Variants in ABLIM1 observed in about 807,000 individuals in gnomAD.
The protein encoded by ABLIM1 is actin-binding LIM protein 1.
A neutral mutation model predicts 107.0 loss-of-function variants in ABLIM1; 40 were observed. The ratio of observed to expected loss-of-function variants is 0.37; its 90% CI spans 0.29 to 0.49. ABLIM1 has a LOEUF of 0.49. ABLIM1 is among the 20% of genes least tolerant of loss of function. The pLI, the probability that ABLIM1 is intolerant of heterozygous loss-of-function variation, is 0.97. For synonymous variants in ABLIM1, 357 were observed against 357.3 expected, an observed-to-expected ratio of 1.00 and a Z score of 0.01; for missense variants, 857 against 1,008.5, an observed-to-expected ratio of 0.85 and a Z score of 2.04.
intron 1 of ABLIM1, among the ~76,000 whole-genome samples, chr10:114,635,245 A>G (rs541073979): frequency 2.0e-5 from 3 of 152,224 alleles, no homozygotes; most frequent in South Asian, 2.1e-4. Flanking sequence ...TGACCAAAGG[A>G]CAGAAACCAT....
intron 4 of ABLIM1, among the ~76,000 whole-genome samples, chr10:114,557,131 A>G (rs967972217): frequency 6.6e-6 from 1 of 152,176 alleles, no homozygotes; most frequent in Admixed American, 6.5e-5. Context: ...CATATTTTAC[A>G]TCTCAGATTT....
In ABLIM1 at chr10:114,585,282, G is replaced by A. The variant is rs144843574; in HGVS notation, c.380-9683C>T. On this transcript the variant is annotated intron_variant, in intron 2 of 22. Transcript: ENST00000533213. ...TCCCTTTTTTAGTCTCCAGATACAC[G>A]ACCATACATACATGGATGACAAGAT... Among the ~76,000 whole-genome samples, 390 of 151,964 alleles carry A rather than the reference G, an allele frequency of 2.6e-3. 10 individuals are homozygous for A. Among genetic ancestry groups the A allele is most frequent in the Admixed American group, 0.015 (225 of 15,268 alleles).
At position 114,468,289 on chromosome 10, in the gene ABLIM1, G is replaced by A. The variant is rs1815248; in HGVS notation, c.1276-73C>T. On this transcript the variant is annotated intron_variant, in intron 10 of 22. Transcript: ENST00000533213. ...TGCCGTTTTGTTTGTTTGTTTGTTT[G>A]TTTGAGATGGAGTCTCGCTCTGTCG... The A allele has an allele frequency of 4.7e-5, 69 of 1,463,440 alleles. No individual in the cohort carries two copies. In the African/African-American group the frequency reaches 9.0e-4, roughly 19 times the overall value. The allele number at this position is 1,463,440 out of a possible 1,614,324, so 90.7% of individuals were successfully genotyped here. A position where few individuals can be genotyped will look rare whatever the true frequency, so the allele number is the denominator to read the frequency against.
At chr10:114,615,048 C>CT (rs2077040505) in intron 1 of ABLIM1, among the ~76,000 whole-genome samples, 1 of 83,778 alleles carries the variant, frequency 1.2e-5, no homozygotes, top group Admixed American at 1.2e-4. Flanking sequence ...AAAACTCTGT[C>CT]TCAAAAAAAA....
the ABLIM1 span, among the ~76,000 whole-genome samples, chr10:114,787,216 T>C: frequency 2.2e-4 from 33 of 147,330 alleles, no homozygotes; most frequent in African/African-American, 7.8e-4. Context: ...ACCCTCTGCC[T>C]GGCAACCGCC....
At chr10:114,528,991 T>C (rs2065164848) in intron 6 of ABLIM1, among the ~76,000 whole-genome samples, 1 of 152,170 alleles carries the variant, frequency 6.6e-6, no homozygotes, top group African/African-American at 2.4e-5. Flanking sequence ...GATATTAGCA[T>C]GCAATGTCTG....
At chr10:114,761,721 G>A (rs2082750895) in intron 1 of ABLIM1, among the ~76,000 whole-genome samples, 1 of 152,000 alleles carries the variant, frequency 6.6e-6, no homozygotes, top group Admixed American at 6.5e-5. Flanking sequence ...CTGAGATCTG[G>A]TTCTCCTCTC....
intron 18 of ABLIM1, among the ~76,000 whole-genome samples, chr10:114,441,480 T>C (rs574653368): frequency 6.6e-6 from 1 of 152,358 alleles, no homozygotes; most frequent in Non-Finnish European, 1.5e-5. Context: ...TGCAATTTAG[T>C]TTTCCCATAA....
chr10:114,780,934 A>C, the ABLIM1 span, among the ~76,000 whole-genome samples: 1 of 152,124 alleles, frequency 6.6e-6, no homozygotes, highest in Admixed American at 6.6e-5. Context: ...GTGAGACTAC[A>C]GGTTTGGGAA....
At chr10:114,596,152 A>G (rs2075392368) in intron 2 of ABLIM1, among the ~76,000 whole-genome samples, 1 of 151,868 alleles carries the variant, frequency 6.6e-6, no homozygotes, top group Non-Finnish European at 1.5e-5. Flanking sequence ...TAAATCTTCT[A>G]TTTTCTATTG....
intron 1 of ABLIM1, among the ~76,000 whole-genome samples, chr10:114,706,896 A>G (rs2081434092): frequency 6.6e-6 from 1 of 152,152 alleles, no homozygotes; most frequent in Non-Finnish European, 1.5e-5. Context: ...CCTAAAGAAC[A>G]TGAAAACAAC....
At chr10:114,563,528 C>A (rs1367928455) in intron 4 of ABLIM1, among the ~76,000 whole-genome samples, 1 of 151,916 alleles carries the variant, frequency 6.6e-6, no homozygotes, top group African/African-American at 2.4e-5. Flanking sequence ...TAATATAATA[C>A]GTTAAGTATA....
At chr10:114,769,451 GAA>G (rs757131686), upstream of ABLIM1, among the ~76,000 whole-genome samples, 2 of 38,580 alleles carry the variant, frequency 5.2e-5, no homozygotes, top group East Asian at 2.4e-4. Flanking sequence ...AAGAAAGAAA[GAA>G]AGAAAGAAAG....
At chr10:114,748,580 CAA>C (rs34184273) in intron 1 of ABLIM1, among the ~76,000 whole-genome samples, 98 of 131,392 alleles carry the variant, frequency 7.5e-4, no homozygotes, top group Admixed American at 8.3e-4. Flanking sequence ...TTGCCTGTTT[CAA>C]AAAAAAAAAA....
At chr10:114,527,601 A>G (rs567131313) in intron 6 of ABLIM1, among the ~76,000 whole-genome samples, 4 of 151,800 alleles carry the variant, frequency 2.6e-5, no homozygotes, top group Non-Finnish European at 5.9e-5. Flanking sequence ...GTGATGGCAC[A>G]GCCCTTTTAA....
chr10:114,522,362 CTGT>C (rs2063877881), intron 6 of ABLIM1, among the ~76,000 whole-genome samples: 1 of 152,184 alleles, frequency 6.6e-6, no homozygotes, highest in Non-Finnish European at 1.5e-5. Context: ...CTTCTTTCAT[CTGT>C]TGCCAGACCA....
intron 1 of ABLIM1, among the ~76,000 whole-genome samples, chr10:114,741,835 C>G (rs571713929): frequency 6.6e-6 from 1 of 152,158 alleles, no homozygotes; most frequent in Admixed American, 6.5e-5. Context: ...AAGTTAAAAT[C>G]CAGAAGTAGT....
At chr10:114,776,348 C>T in the ABLIM1 span, among the ~76,000 whole-genome samples, 1 of 152,178 alleles carries the variant, frequency 6.6e-6, no homozygotes, top group Non-Finnish European at 1.5e-5. Context: ...GGCGTGGTGG[C>T]TCATGCCTGT....
At chr10:114,545,121 GCT>G (rs773249514) in intron 5 of ABLIM1, 23 bp from the exon 6 acceptor site, 2 of 1,611,086 alleles carry the variant, frequency 1.2e-6, no homozygotes, top group Non-Finnish European at 1.7e-6. Flanking sequence ...AACGTGTTCG[GCT>G]CCTGAGGAGG....
Sources: gnomAD v4.1 joint callset for allele counts (sites outside exome capture counted in the v4.1 genomes callset) on GRCh38, gnomAD v4.1.1 for gene constraint, MANE v1.5 for transcripts, NCBI Gene and HGNC (gene_info 2026-07-23, HGNC 2026-07-21) for gene names.